Variants in HABP4 observed in about 807,000 individuals in gnomAD.
HABP4 encodes the protein hyaluronan binding protein 4.
HABP4 carries 32 observed loss-of-function variants against 44.1 expected under a neutral mutation model. The observed-to-expected ratio is 0.73, with a 90% confidence interval of 0.55 to 0.97. The LOEUF (loss-of-function observed/expected upper bound fraction) is 0.97. Among genes scored for constraint, HABP4 ranks in the 50% least tolerant of loss-of-function variants. The pLI is 0.00. For synonymous variants in HABP4, 216 were observed against 218.0 expected (o/e 0.99, Z 0.08); for missense variants, 503 against 561.9 (o/e 0.90, Z 1.06).
chr9:96,452,160 G>A (rs1173680867), intron 1 of HABP4, among the ~76,000 whole-genome samples: 2 of 151,088 alleles, frequency 1.3e-5, no homozygotes, highest in Non-Finnish European at 2.9e-5. Context: ...CCAGGAGGCG[G>A]AGCTTGCAGT....
chr9:96,467,129 G>A (rs1416768042), intron 4 of HABP4, among the ~76,000 whole-genome samples: 1 of 151,912 alleles, frequency 6.6e-6, no homozygotes, highest in Admixed American at 6.6e-5. Context: ...CACCACATTG[G>A]TCAGGCTGGT....
chr9:96,456,382 A>C (rs1564158449), intron 1 of HABP4, among the ~76,000 whole-genome samples: 1 of 152,192 alleles, frequency 6.6e-6, no homozygotes, highest in Non-Finnish European at 1.5e-5. Context: ...GAAAATATTA[A>C]ATGGGAAAAT....
At chr9:96,474,024 T>G (rs1004437822) in intron 5 of HABP4, among the ~76,000 whole-genome samples, 6 of 152,132 alleles carry the variant, frequency 3.9e-5, no homozygotes, top group Non-Finnish European at 5.9e-5. Flanking sequence ...TGTAAAGATT[T>G]TGTGTGTGTG....
intron 1 of HABP4, among the ~76,000 whole-genome samples, chr9:96,454,738 G>T (rs996094608): frequency 3.3e-5 from 5 of 152,056 alleles, no homozygotes; most frequent in African/African-American, 9.7e-5. Flanking sequence ...ATGAGCCACC[G>T]CGCCTGGCCC....
chr9:96,471,504 A>G (rs1832698178), intron 5 of HABP4, among the ~76,000 whole-genome samples: 1 of 152,138 alleles, frequency 6.6e-6, no homozygotes, highest in African/African-American at 2.4e-5. Context: ...CCTATCACAG[A>G]GGGCTGACCT....
At position 96,484,164 on chromosome 9, in the gene HABP4, G is replaced by C. The variant is rs1194419398; in HGVS notation, c.828-298G>C. 1.3e-5 allele frequency: 3 copies of C among 229,016 alleles called. No individual in the cohort carries two copies. The Admixed American group carries it at 1.5e-4, about 12-fold the overall frequency. 14.2% of individuals were successfully genotyped at this position (229,016 alleles called of 1,614,324 possible). Reference sequence around the variant, plus strand: ...ATTACCTCATTTTGTCTGTCATGCTGTCTGGAAGGGAGTGCCAGTGGTGAA... The same window carrying C: ...ATTACCTCATTTTGTCTGTCATGCTCTCTGGAAGGGAGTGCCAGTGGTGAA... On this transcript the variant is annotated intron_variant, in intron 5 of 7. Coordinates refer to ENST00000375249, the MANE Select transcript of HABP4 (RefSeq NM_014282.4).
At chr9:96,455,939 C>A (rs931780262) in intron 1 of HABP4, among the ~76,000 whole-genome samples, 5 of 152,070 alleles carry the variant, frequency 3.3e-5, no homozygotes, top group African/African-American at 1.2e-4. Context: ...TCTGTAATCC[C>A]AGCTACTTGG....
intron 5 of HABP4, among the ~76,000 whole-genome samples, chr9:96,472,680 C>G (rs1030628861): frequency 3.3e-5 from 5 of 152,184 alleles, no homozygotes; most frequent in African/African-American, 1.2e-4. Flanking sequence ...CCCTAGTCTT[C>G]CAGTCAGCAT....
Position 96,488,216 on chromosome 9 carries a change from G to T in HABP4, c.1127G>T (p.Arg376Leu). ...RPGRGARGGT[R>L]GGRGRIRRAE... Reference sequence around the variant, plus strand: ...GGGCGTGGAGCCAGAGGAGGCACCCGGGGAGGCCGGGGAAGGATCAGGAGG... The same window carrying T: ...GGGCGTGGAGCCAGAGGAGGCACCCTGGGAGGCCGGGGAAGGATCAGGAGG... Residue 376 changes from arginine to leucine, a missense_variant, in exon 7 of 8, where the codon CGG becomes CTG. Around this residue, in one of 3 missense-constraint regions of HABP4, gnomAD observed 82 missense variants for 71.6 expected, o/e 1.15. Transcript: ENST00000375249. This position sits in a 1 kb window ranked among gnomAD's most constrained non-coding sequence, Gnocchi z 4.6. 1 of 1,613,206 alleles carries T rather than the reference G, an allele frequency of 6.2e-7. No individual in the cohort carries two copies. The highest frequency in any genetic ancestry group is 8.5e-7 in the Non-Finnish European group (1 of 1,179,178).
At chr9:96,480,428 A>G (rs1163832855) in intron 5 of HABP4, among the ~76,000 whole-genome samples, 1 of 152,002 alleles carries the variant, frequency 6.6e-6, no homozygotes, top group Admixed American at 6.6e-5. Context: ...GTATCTTTTA[A>G]TATTTTTGCC....
At chr9:96,474,854 T>C (rs1832756010) in intron 5 of HABP4, among the ~76,000 whole-genome samples, 1 of 152,198 alleles carries the variant, frequency 6.6e-6, no homozygotes, top group Non-Finnish European at 1.5e-5. Context: ...AGTTCTAGAA[T>C]GTCTTGATAG....
chr9:96,488,228 G>A lies in HABP4; in HGVS notation c.1139G>A (p.Gly380Glu), dbSNP rs1564170927. The A allele has an allele frequency of 4.3e-6, 7 of 1,613,912 alleles. No homozygotes were observed. Among genetic ancestry groups the A allele is most frequent in the East Asian group, 4.5e-5 (2 of 44,882 alleles). Residue 380 changes from glycine to glutamate, a missense_variant, in exon 7 of 8, where the codon GGA becomes GAA. Around this residue, in one of 3 missense-constraint regions of HABP4, gnomAD observed 82 missense variants for 71.6 expected, o/e 1.15. Transcript: ENST00000375249. The surrounding 1 kb of genome is among the most constrained non-coding windows in gnomAD (Gnocchi z 4.6). ...GARGGTRGGR[G>E]RIRRAENYGP... ...AGAGGAGGCACCCGGGGAGGCCGGG[G>A]AAGGATCAGGAGGGCAGAGAACTAT...
At chr9:96,472,577 TC>T (rs1334616598) in intron 5 of HABP4, among the ~76,000 whole-genome samples, 1 of 152,050 alleles carries the variant, frequency 6.6e-6, no homozygotes, top group African/African-American at 2.4e-5. Flanking sequence ...CCCGACCTCT[TC>T]ACGCTTCAGA....
At chr9:96,451,567 G>A (rs1587765882) in intron 1 of HABP4, 1 of 635,104 alleles carries the variant, frequency 1.6e-6, no homozygotes, top group Non-Finnish European at 2.0e-6. Flanking sequence ...GGCTTTATTG[G>A]TTTGTTCCTT....
chr9:96,457,118 G>A (rs554659524), intron 1 of HABP4, among the ~76,000 whole-genome samples: 5 of 151,706 alleles, frequency 3.3e-5, no homozygotes, highest in Admixed American at 6.6e-5. Flanking sequence ...AGTCTCGGCC[G>A]GGCACGGTGG....
intron 5 of HABP4, 138 bp from the exon 6 acceptor site, chr9:96,484,324 A>C: frequency 7.2e-6 from 4 of 554,228 alleles, no homozygotes; most frequent in Non-Finnish European, 1.3e-5. Context: ...TGTGAGTCAA[A>C]GATTTCCTTA....
chr9:96,479,452 T>C (rs980914361), intron 5 of HABP4, among the ~76,000 whole-genome samples: 3 of 152,190 alleles, frequency 2.0e-5, no homozygotes, highest in African/African-American at 4.8e-5. Flanking sequence ...TTAATTTAAA[T>C]CTGTTTTATA....
chr9:96,470,833 T>C (rs1346706616), intron 4 of HABP4, among the ~76,000 whole-genome samples, 178 bp from the exon 5 acceptor site: 1 of 149,602 alleles, frequency 6.7e-6, no homozygotes, highest in East Asian at 2.0e-4. Flanking sequence ...GGAGGGAGGT[T>C]GCACTGATCC....
intron 5 of HABP4, chr9:96,483,768 G>T (rs1199760239): frequency 6.6e-6 from 1 of 152,122 alleles, no homozygotes; most frequent in Non-Finnish European, 1.5e-5. Context: ...GGTTAAGAAA[G>T]TTTCTGCCTA....
Sources: gnomAD v4.1 joint callset for allele counts (sites outside exome capture counted in the v4.1 genomes callset) on GRCh38, gnomAD v4.1.1 for gene constraint, gnomAD v4.1.1 regional missense constraint, Gnocchi (gnomAD v3.1) non-coding constraint, MANE v1.5 for transcripts, NCBI Gene and HGNC (gene_info 2026-07-23, HGNC 2026-07-21) for gene names.